The following A1CF variants were observed in gnomAD, a reference collection of about 807,000 sequenced individuals.
A1CF encodes the protein APOBEC-1 stimulating protein.
Under a neutral mutation model 68.9 loss-of-function variants are expected in A1CF, and 48 were observed. That is an observed-to-expected ratio of 0.70 (90% CI 0.55 to 0.89). The LOEUF is 0.89. Among genes scored for constraint, A1CF ranks in the 40% least tolerant of loss-of-function variants. A1CF has a pLI of 0.00. For missense variants in A1CF, 653 were observed against 718.9 expected (o/e 0.91, Z 1.05); for synonymous variants, 272 against 260.4 (o/e 1.04, Z -0.43).
At chr10:50,840,256 A>G (rs1237004155) in intron 5 of A1CF, among the ~76,000 whole-genome samples, 1 of 150,450 alleles carries the variant, frequency 6.6e-6, no homozygotes, top group Non-Finnish European at 1.5e-5. Flanking sequence ...TCTAGAATTG[A>G]TGAACTGTGC....
chr10:50,883,176 G>C (rs1312916971), intron 1 of A1CF, among the ~76,000 whole-genome samples: 1 of 152,048 alleles, frequency 6.6e-6, no homozygotes, highest in African/African-American at 2.4e-5. Context: ...AGGTATACTT[G>C]GGCAATTTTA....
Position 50,828,227 on chromosome 10 carries a change from C to G in A1CF, c.673G>C (p.Asp225His), listed in dbSNP as rs1221813648. ...AGGATTTTCACTGAAGACATTGTAT[C>G]TTCATCAACTTCTACTTCTGGCTCT... ...WAEPEVEVDEDTMSSVKILYV... is the reference protein window; with the variant it reads ...WAEPEVEVDEHTMSSVKILYV... Residue 225 changes from aspartate (D) to histidine (H), a missense_variant, in exon 7 of 13, where the codon GAT becomes CAT. Transcript: ENST00000373997. 1 of 1,607,876 alleles carries G rather than the reference C, an allele frequency of 6.2e-7. No homozygotes were observed. The highest frequency in any genetic ancestry group is 1.1e-5 in the South Asian group (1 of 90,422).
intron 2 of A1CF, chr10:50,862,882 G>A (rs1003873945): frequency 3.9e-5 from 6 of 152,208 alleles, no homozygotes; most frequent in Non-Finnish European, 7.3e-5. Context: ...TTACGTATGT[G>A]TTACACCTCT....
At chr10:50,865,299 C>T (rs910167910) in intron 1 of A1CF, among the ~76,000 whole-genome samples, 1 of 137,074 alleles carries the variant, frequency 7.3e-6, no homozygotes, top group Non-Finnish European at 1.5e-5. Context: ...GCTGCTATTA[C>T]TACTACTACT....
intron 5 of A1CF, among the ~76,000 whole-genome samples, chr10:50,837,484 T>C (rs1589000924): frequency 6.6e-6 from 1 of 152,300 alleles, no homozygotes; most frequent in Non-Finnish European, 1.5e-5. Context: ...GCCCTAGAAT[T>C]TATGTTTAAG....
chr10:50,844,089 G>C lies in A1CF; in HGVS notation c.133C>G (p.Pro45Ala). ...NGQRKYGGPPPGWDAAPPERG... is the reference protein window; with the variant it reads ...NGQRKYGGPPAGWDAAPPERG... ...TCAGGGGGTGCAGCATCCCAACCAG[G>C]TGGAGGGCCACCATATTTTCTTTGT... The change falls in exon 4 of 13, where the codon CCT becomes GCT. Residue 45 changes from proline (P) to alanine (A), a missense_variant. Physicochemically the swap from Pro to Ala is conservative, Grantham distance 27. Coordinates refer to ENST00000373997, the MANE Select transcript of A1CF (RefSeq NM_014576.4). 1 of 1,612,352 alleles carries C rather than the reference G, an allele frequency of 6.2e-7. No homozygotes were observed. Among genetic ancestry groups the C allele is most frequent in the Non-Finnish European group, 8.5e-7 (1 of 1,179,476 alleles).
chr10:50,812,599 T>G (rs1427827770), intron 10 of A1CF, among the ~76,000 whole-genome samples: 1 of 152,224 alleles, frequency 6.6e-6, no homozygotes, highest in Non-Finnish European at 1.5e-5. Flanking sequence ...ATTCCAGTAC[T>G]TTAATCAGGT....
intron 5 of A1CF, among the ~76,000 whole-genome samples, chr10:50,841,543 A>T (rs1252029260): frequency 3.3e-5 from 5 of 152,154 alleles, no homozygotes; most frequent in African/African-American, 1.2e-4. Flanking sequence ...GAGTGATCTT[A>T]TATATTTGCT....
At chr10:50,826,604 C>T (rs977682301) in intron 7 of A1CF, among the ~76,000 whole-genome samples, 2 of 152,048 alleles carry the variant, frequency 1.3e-5, no homozygotes, top group Admixed American at 6.6e-5. Flanking sequence ...CACTACCAGG[C>T]CTGCCCTACA....
chr10:50,859,200 C>A (rs1840622459), intron 3 of A1CF, among the ~76,000 whole-genome samples: 1 of 152,088 alleles, frequency 6.6e-6, no homozygotes, highest in African/African-American at 2.4e-5. Flanking sequence ...TCTAACACTA[C>A]ATTTTTTTAA....
intron 5 of A1CF, among the ~76,000 whole-genome samples, chr10:50,837,634 C>T (rs765518569): frequency 8.5e-5 from 13 of 152,276 alleles, no homozygotes; most frequent in Admixed American, 7.8e-4. Flanking sequence ...TACTGTAGTA[C>T]GTTTACCATC....
chr10:50,870,215 G>T (rs1382596394), intron 1 of A1CF, among the ~76,000 whole-genome samples: 2 of 151,732 alleles, frequency 1.3e-5, no homozygotes, highest in African/African-American at 4.8e-5. Flanking sequence ...TTTTGTAAAC[G>T]ATAGTCTGTT....
At chr10:50,812,257 A>T (rs1402302056) in intron 10 of A1CF, among the ~76,000 whole-genome samples, 2 of 152,132 alleles carry the variant, frequency 1.3e-5, no homozygotes, top group Non-Finnish European at 2.9e-5. Context: ...ACCAGCTCTC[A>T]CTGCTGACTT....
At chr10:50,830,107 G>A (rs1427471779) in intron 6 of A1CF, among the ~76,000 whole-genome samples, 3 of 152,002 alleles carry the variant, frequency 2.0e-5, no homozygotes, top group Non-Finnish European at 2.9e-5. Flanking sequence ...ATTAACTATA[G>A]TCATATTATA....
At position 50,804,609 on chromosome 10, in the gene A1CF, T is replaced by G. The variant is rs1467282568; in HGVS notation, c.*2120A>C. The G allele has an allele frequency of 1.3e-5, 2 of 152,180 alleles. No homozygotes were observed. The highest frequency in any genetic ancestry group is 1.3e-4 in the Admixed American group (2 of 15,268). The allele number at this position is 152,180 out of a possible 1,614,324, so 9.4% of individuals were successfully genotyped here. On this transcript the variant is annotated 3_prime_UTR_variant, in exon 13 of 13. Coordinates refer to ENST00000373997, the MANE Select transcript of A1CF (RefSeq NM_014576.4). The stretch of plus-strand genomic sequence containing the variant: ...TGTAAATTTGGATCTAAGAATTGTT[T>G]TAGGACAAGATTGTTTTACTTTCTC...
At chr10:50,835,985 A>G in intron 6 of A1CF, 89 bp downstream of exon 6, 1 of 1,240,636 alleles carries the variant, frequency 8.1e-7, no homozygotes, top group Non-Finnish European at 1.1e-6. Context: ...AATGAAAGAT[A>G]GCCAAAAAAA....
At chr10:50,880,500 G>C (rs1010514277) in intron 1 of A1CF, among the ~76,000 whole-genome samples, 1 of 152,138 alleles carries the variant, frequency 6.6e-6, no homozygotes, top group Non-Finnish European at 1.5e-5. Context: ...CATGAATGGC[G>C]AGGAACTCTT....
At chr10:50,848,012 C>T (rs12243360) in intron 3 of A1CF, among the ~76,000 whole-genome samples, 7,526 of 152,190 alleles carry the variant, frequency 0.049, 612 homozygotes, top group African/African-American at 0.17. Context: ...TTGCACATGA[C>T]AGTAATGACA....
intron 6 of A1CF, among the ~76,000 whole-genome samples, chr10:50,829,140 A>G (rs1249827390): frequency 6.6e-6 from 1 of 152,100 alleles, no homozygotes; most frequent in African/African-American, 2.4e-5. Context: ...ATTACTCCCA[A>G]TTTTACAGAA....
Sources: gnomAD v4.1 joint callset for allele counts (sites outside exome capture counted in the v4.1 genomes callset) on GRCh38, gnomAD v4.1.1 for gene constraint, MANE v1.5 for transcripts, NCBI Gene and HGNC (gene_info 2026-07-23, HGNC 2026-07-21) for gene names.